The following BACH2 variants were observed in gnomAD, a reference collection of about 807,000 sequenced individuals.
BACH2 encodes transcription regulator protein BACH2.
BACH2 carries 5 observed loss-of-function variants against 61.8 expected under a neutral mutation model. That is an observed-to-expected ratio of 0.08 (90% CI 0.04 to 0.17). The LOEUF (loss-of-function observed/expected upper bound fraction) is 0.17, where lower values mean the gene tolerates loss of function less well. Ranked by LOEUF, BACH2 falls within the 10% of genes least tolerant of loss-of-function variation. The pLI is 1.00. For missense variants in BACH2, 824 were observed against 1,091.1 expected, an observed-to-expected ratio of 0.76 and a Z score of 3.45; for synonymous variants, 446 against 440.1, an observed-to-expected ratio of 1.01 and a Z score of -0.17.
intron 5 of BACH2, among the ~76,000 whole-genome samples, chr6:90,049,402 A>T (rs1025118482): frequency 7.2e-5 from 11 of 152,186 alleles, no homozygotes; most frequent in Non-Finnish European, 1.5e-4. Context: ...TTAAACTGAG[A>T]TCTCAATGAC....
intron 5 of BACH2, among the ~76,000 whole-genome samples, chr6:90,018,830 A>G (rs1778217260): frequency 1.3e-5 from 2 of 152,242 alleles, no homozygotes; most frequent in South Asian, 2.1e-4. Context: ...AAATAACACA[A>G]TTCAGTTATA....
intron 6 of BACH2, among the ~76,000 whole-genome samples, chr6:89,959,989 G>A (rs1244560571): frequency 1.3e-5 from 2 of 152,132 alleles, no homozygotes; most frequent in Non-Finnish European, 2.9e-5. Context: ...TTCTGGAAGT[G>A]GCTGCATCCC....
chr6:90,029,905 G>C (rs1350087279), intron 5 of BACH2, among the ~76,000 whole-genome samples: 1 of 152,186 alleles, frequency 6.6e-6, no homozygotes, highest in Non-Finnish European at 1.5e-5. Context: ...ACACAGCCAA[G>C]ATAATGGGAT....
At chr6:90,081,415 C>T (rs541538618) in intron 5 of BACH2, among the ~76,000 whole-genome samples, 9 of 152,280 alleles carry the variant, frequency 5.9e-5, no homozygotes, top group South Asian at 2.1e-4. Context: ...TCCCCACACC[C>T]GTAACCAACC....
At chr6:90,091,803 T>TA (rs1001981476) in intron 4 of BACH2, among the ~76,000 whole-genome samples, 9 of 152,254 alleles carry the variant, frequency 5.9e-5, no homozygotes, top group Admixed American at 2.0e-4. Context: ...CAATCTTATC[T>TA]AAAAATAAGG....
At chr6:89,986,331 G>C (rs1351738631) in intron 6 of BACH2, among the ~76,000 whole-genome samples, 1 of 151,690 alleles carries the variant, frequency 6.6e-6, no homozygotes, top group Non-Finnish European at 1.5e-5. Context: ...TTGCCTGAAA[G>C]AGGCTGCCTC....
intron 4 of BACH2, among the ~76,000 whole-genome samples, chr6:90,123,431 A>G (rs144364506): frequency 1.1e-3 from 167 of 152,304 alleles, no homozygotes; most frequent in African/African-American, 3.7e-3. Flanking sequence ...ATAATTTGTT[A>G]AGCAGACCTA....
At chr6:90,170,551 T>A (rs545343872) in intron 4 of BACH2, among the ~76,000 whole-genome samples, 2 of 152,302 alleles carry the variant, frequency 1.3e-5, no homozygotes, top group East Asian at 3.9e-4. Flanking sequence ...TGTAACTCCA[T>A]TTTAGAAGAC....
At chr6:90,141,742 TA>T (rs1474430622) in intron 4 of BACH2, among the ~76,000 whole-genome samples, 1 of 152,232 alleles carries the variant, frequency 6.6e-6, no homozygotes, top group Non-Finnish European at 1.5e-5. Flanking sequence ...TTACACATGA[TA>T]ATAGGTTGAT....
chr6:89,932,268 C>G lies in BACH2; in HGVS notation c.*140G>C. ...GAGAAGAGGAGAGGATACTTCGGAA[C>G]AGTATTGCTGCTAAGACCGCTGTAG... On this transcript the variant is annotated 3_prime_UTR_variant, in exon 9 of 9. Transcript: ENST00000257749. 3 of 1,106,954 alleles carry G rather than the reference C, an allele frequency of 2.7e-6. No individual in the cohort carries two copies. Among genetic ancestry groups the G allele is most frequent in the Non-Finnish European group, 3.9e-6 (3 of 771,510 alleles). 68.6% of individuals were successfully genotyped at this position (1,106,954 alleles called of 1,614,324 possible).
At chr6:90,102,595 C>G (rs1782687467) in intron 4 of BACH2, among the ~76,000 whole-genome samples, 3 of 151,872 alleles carry the variant, frequency 2.0e-5, no homozygotes, top group Non-Finnish European at 4.4e-5. Context: ...TCAAGACCAG[C>G]CTGGCCAACA....
At chr6:90,067,650 T>G (rs2127800553) in intron 5 of BACH2, among the ~76,000 whole-genome samples, 1 of 152,240 alleles carries the variant, frequency 6.6e-6, no homozygotes, top group Non-Finnish European at 1.5e-5. Flanking sequence ...CACTATGAAA[T>G]GAGAACATAG....
At chr6:90,285,337 C>T (rs1049864460) in intron 1 of BACH2, among the ~76,000 whole-genome samples, 3 of 152,192 alleles carry the variant, frequency 2.0e-5, no homozygotes, top group Admixed American at 6.5e-5. Flanking sequence ...CTTGCACCCT[C>T]GCCCCTGCTT....
chr6:90,046,122 C>G (rs538403604), intron 5 of BACH2, among the ~76,000 whole-genome samples: 99 of 152,282 alleles, frequency 6.5e-4, no homozygotes, highest in African/African-American at 2.3e-3. Flanking sequence ...AGAGTGAAAG[C>G]TCTGTTTTAG....
chr6:90,165,454 A>C (rs1475630343), intron 4 of BACH2, among the ~76,000 whole-genome samples: 1 of 152,200 alleles, frequency 6.6e-6, no homozygotes, highest in Non-Finnish European at 1.5e-5. Flanking sequence ...GGTAGGAAGA[A>C]TCAATATTGT....
At chr6:89,964,356 T>C (rs1225052446) in intron 6 of BACH2, among the ~76,000 whole-genome samples, 1 of 152,196 alleles carries the variant, frequency 6.6e-6, no homozygotes, top group Non-Finnish European at 1.5e-5. Flanking sequence ...TTTGGAGATC[T>C]GTTTCACAAC....
chr6:90,013,537 C>T lies in BACH2; in HGVS notation c.-12-4681G>A, dbSNP rs1409500145. 6.6e-5 allele frequency among the ~76,000 whole-genome samples: 9 copies of T among 137,106 alleles called. No individual in the cohort carries two copies. The South Asian group carries it at 1.7e-3, about 26-fold the overall frequency. 89.9% of individuals were successfully genotyped at this position (137,106 alleles called of 152,430 possible). A position where few individuals can be genotyped will look rare whatever the true frequency, so the allele number is the denominator to read the frequency against. ...TTTTTTTTTTTTTGAGATGGAGTCT[C>T]GCTCTGTCGCCCAGGCTGGAGTGCA... On this transcript the variant is annotated intron_variant, in intron 5 of 8. Transcript: ENST00000257749.
At chr6:90,160,320 C>A (rs140055722) in intron 4 of BACH2, among the ~76,000 whole-genome samples, 94 of 152,252 alleles carry the variant, frequency 6.2e-4, no homozygotes, top group African/African-American at 1.9e-3. Flanking sequence ...GGGGATGAGG[C>A]CCTTTGTGTA....
chr6:90,166,166 A>G (rs892249696), intron 4 of BACH2, among the ~76,000 whole-genome samples: 12 of 152,234 alleles, frequency 7.9e-5, no homozygotes, highest in Non-Finnish European at 1.0e-4. Flanking sequence ...TCGTCTGACA[A>G]AGGGCTAATA....
Sources: allele counts gnomAD v4.1 joint callset (sites outside exome capture counted in the v4.1 genomes callset), GRCh38; gene constraint gnomAD v4.1.1; transcripts MANE v1.5; gene names NCBI Gene and HGNC (gene_info 2026-07-23, HGNC 2026-07-21).